ZC3H13: variants seen among roughly 807,000 people sequenced by gnomAD.
ZC3H13 encodes the protein zinc finger CCCH-type containing 13, also known as zinc finger CCCH domain-containing protein 13.
ZC3H13 carries 64 observed loss-of-function variants against 204.1 expected under a neutral mutation model. The ratio of observed to expected loss-of-function variants is 0.31; its 90% CI spans 0.26 to 0.39. ZC3H13 has a LOEUF of 0.39. ZC3H13 is among the 10% of genes least tolerant of loss of function. ZC3H13 has a pLI of 1.00. For synonymous variants in ZC3H13, 667 were observed against 693.7 expected (o/e 0.96, Z 0.60); for missense variants, 1,833 against 2,082.7 (o/e 0.88, Z 2.33).
intron 17 of ZC3H13, among the ~76,000 whole-genome samples, chr13:45,960,609 G>C (rs1951611713): frequency 6.6e-6 from 1 of 151,962 alleles, no homozygotes; most frequent in Admixed American, 6.6e-5. Flanking sequence ...GAAGAATTAA[G>C]GAAAGATAGA....
In ZC3H13 at chr13:45,967,874, A is replaced by C. The variant is rs779814065; in HGVS notation, c.3951T>G (p.Asp1317Glu). 11 of 1,613,244 alleles carry C rather than the reference A, an allele frequency of 6.8e-6. No individual in the cohort carries two copies. The Admixed American group carries it at 1.5e-4, about 22-fold the overall frequency. Residue 1317 changes from aspartate to glutamate, a missense_variant, in exon 15 of 19, where the codon GAT (aspartate) becomes GAG (glutamate). By Grantham distance (45) the Asp-to-Glu change is conservative (BLOSUM62 2). Coordinates refer to ENST00000679008, the MANE Select transcript of ZC3H13 (RefSeq NM_001330564.2). Reference sequence around the variant, plus strand: ...CTCGGTCCCATTCTCTCTGCCTCGTATCTCTCCTCTCTCTCTCGCGCTCTC... The same window carrying C: ...CTCGGTCCCATTCTCTCTGCCTCGTCTCTCTCCTCTCTCTCTCGCGCTCTC... ...HDRERERERR[D>E]TRQREWDRDA...
intron 10 of ZC3H13, among the ~76,000 whole-genome samples, chr13:45,983,928 A>C (rs1369872322): frequency 6.6e-6 from 1 of 152,228 alleles, no homozygotes; most frequent in Non-Finnish European, 1.5e-5. Flanking sequence ...CCAGGTACCA[A>C]CAAAGCATTA....
intron 8 of ZC3H13, 118 bp from the exon 9 acceptor site, chr13:45,989,215 AT>A: frequency 9.6e-7 from 1 of 1,039,786 alleles, no homozygotes; most frequent in Non-Finnish European, 1.4e-6. Context: ...TTCAGAATAA[AT>A]TTTAATTCAC....
intron 12 of ZC3H13, among the ~76,000 whole-genome samples, chr13:45,973,331 A>T (rs1952744684): frequency 6.6e-6 from 1 of 152,262 alleles, no homozygotes; most frequent in African/African-American, 2.4e-5. Flanking sequence ...AATACAGTTA[A>T]TGAAAGATTA....
At chr13:45,971,847 G>A (rs550476784) in intron 12 of ZC3H13, among the ~76,000 whole-genome samples, 8 of 152,060 alleles carry the variant, frequency 5.3e-5, no homozygotes, top group Middle Eastern at 3.4e-3. Context: ...TAAAGGACAC[G>A]AATAGACATT....
intron 8 of ZC3H13, among the ~76,000 whole-genome samples, chr13:45,995,476 T>G (rs2040264788): frequency 6.6e-6 from 1 of 152,218 alleles, no homozygotes; most frequent in Non-Finnish European, 1.5e-5. Context: ...ATGATTTCAT[T>G]CTTAACACAA....
At chr13:46,027,434 A>G (rs1404697774) in intron 4 of ZC3H13, among the ~76,000 whole-genome samples, 2 of 152,226 alleles carry the variant, frequency 1.3e-5, no homozygotes, top group South Asian at 2.1e-4. Context: ...ATTTCTTTAC[A>G]TAACTCTATG....
Position 45,984,510 on chromosome 13 carries a change from AAC to A in ZC3H13, c.1720+785_1720+786del, listed in dbSNP as rs575224894. On this transcript the variant is annotated intron_variant, in intron 10 of 18. Transcript: ENST00000679008. ...AGTTGATGCATTGAAATAAAAATCC[AAC>A]AGTTTTTTTATGAAATTAAAAACTG... Among the ~76,000 whole-genome samples, 390 of 152,320 alleles carry A rather than the reference AAC, an allele frequency of 2.6e-3. 2 individuals carry two copies. The highest frequency in any genetic ancestry group is 6.3e-4 in the Non-Finnish European group (43 of 68,020).
chr13:46,023,176 C>T (rs1401601726), intron 4 of ZC3H13, among the ~76,000 whole-genome samples: 2 of 152,110 alleles, frequency 1.3e-5, no homozygotes, highest in Admixed American at 1.3e-4. Flanking sequence ...ATAATCCAAC[C>T]TCCTACCCTA....
chr13:46,018,296 G>C (rs2042031686), intron 5 of ZC3H13, among the ~76,000 whole-genome samples: 2 of 152,098 alleles, frequency 1.3e-5, no homozygotes, highest in Admixed American at 6.6e-5. Context: ...TCAGAAGACT[G>C]AATAATAAGT....
chr13:46,041,062 C>T (rs942103659), intron 4 of ZC3H13, among the ~76,000 whole-genome samples: 17 of 152,116 alleles, frequency 1.1e-4, no homozygotes, highest in African/African-American at 4.1e-4. Flanking sequence ...TAGAACTTGT[C>T]AACTCCACTC....
intron 1 of ZC3H13, 84 bp from the exon 2 acceptor site, chr13:46,045,600 T>C (rs2043894478): frequency 1.1e-6 from 1 of 903,406 alleles, no homozygotes; most frequent in East Asian, 2.4e-5. Flanking sequence ...TAGATAAAAC[T>C]ATAGGTAACA....
rs1398366769 is a variant in ZC3H13 at position 45,969,023 on chromosome 13, G to A, written c.3521C>T (p.Thr1174Ile). ...CTTGCGATGCTGTGCATCTTCTATAGTCACGTGAGGCGTCTCTACTTTTTC... is the reference window on the plus strand; with the variant it reads ...CTTGCGATGCTGTGCATCTTCTATAATCACGTGAGGCGTCTCTACTTTTTC... ...RVEKVETPHV[T>I]IEDAQHRKPM... The change falls in exon 14 of 19, where the codon ACT (threonine) becomes ATT (isoleucine). Residue 1174 changes from threonine to isoleucine, a missense_variant. Coordinates refer to ENST00000679008, the MANE Select transcript of ZC3H13 (RefSeq NM_001330564.2). 3.7e-6 allele frequency: 6 copies of A among 1,614,190 alleles called. No individual in the cohort carries two copies. The highest frequency in any genetic ancestry group is 5.1e-6 in the Non-Finnish European group (6 of 1,180,024).
At chr13:45,996,456 C>T (rs909420158) in intron 8 of ZC3H13, among the ~76,000 whole-genome samples, 17 of 152,106 alleles carry the variant, frequency 1.1e-4, no homozygotes, top group African/African-American at 4.1e-4. Flanking sequence ...TTTTGCTTTC[C>T]CTGGTCAACC....
At chr13:45,966,188 T>A (rs1952070178) in intron 15 of ZC3H13, among the ~76,000 whole-genome samples, 1 of 152,204 alleles carries the variant, frequency 6.6e-6, no homozygotes, top group African/African-American at 2.4e-5. Context: ...ACTTAACGTT[T>A]ACAATCACTA....
rs1316081997 is a variant in ZC3H13 at position 45,957,199 on chromosome 13, A to G, written c.4938T>C (p.Ala1646=). ...RLFKRKTTCH[A]PGHEKTEDNK... ...TATCTTCAGTCTTTTCATGTCCTGG[A>G]GCATGGCAAGTAGTCTTCCGCTTAA... Residue 1646 remains alanine (A), a synonymous_variant, in exon 19 of 19, where the codon GCT becomes GCC. Transcript: ENST00000679008. 1 of 1,549,212 alleles carries G rather than the reference A, an allele frequency of 6.5e-7. No homozygotes were observed. The highest frequency in any genetic ancestry group is 1.2e-5 in the South Asian group (1 of 83,670).
chr13:45,983,778 G>A (rs1157194790), intron 10 of ZC3H13, among the ~76,000 whole-genome samples: 1 of 152,092 alleles, frequency 6.6e-6, no homozygotes, highest in African/African-American at 2.4e-5. Flanking sequence ...GAAGGTTACT[G>A]ACAGAAAATT....
chr13:45,967,713 C>T lies in ZC3H13; in HGVS notation c.4112G>A (p.Arg1371Lys), dbSNP rs758126294. Reference sequence around the variant, plus strand: ...AAAAGTTCTGTCTCTGTCTCTGTCCCTGTCCCTTTCAACAGAATCAGAAAT... The same window carrying T: ...AAAAGTTCTGTCTCTGTCTCTGTCCTTGTCCCTTTCAACAGAATCAGAAAT... Reference protein sequence around the residue: ...RLISDSVERDRDRDRDRTFES... With the variant: ...RLISDSVERDKDRDRDRTFES... The change falls in exon 15 of 19, where the codon AGG (arginine) becomes AAG (lysine). Residue 1371 changes from arginine (R) to lysine (K), a missense_variant. Transcript: ENST00000679008. The T allele has an allele frequency of 5.6e-6, 9 of 1,613,840 alleles. No homozygotes were observed. The highest frequency in any genetic ancestry group is 1.6e-4 in the Middle Eastern group (1 of 6,084).
At chr13:46,025,921 T>C (rs2042517286) in intron 4 of ZC3H13, among the ~76,000 whole-genome samples, 1 of 151,854 alleles carries the variant, frequency 6.6e-6, no homozygotes, top group African/African-American at 2.4e-5. Context: ...ATTAATCTAG[T>C]AGAATGGTTC....
Sources: gnomAD v4.1 joint callset for allele counts (sites outside exome capture counted in the v4.1 genomes callset) on GRCh38, gnomAD v4.1.1 for gene constraint, MANE v1.5 for transcripts, NCBI Gene and HGNC (gene_info 2026-07-23, HGNC 2026-07-21) for gene names.